Variants in CERT1 observed in about 807,000 individuals in gnomAD.
CERT1 encodes the protein ceramide transporter 1, also known as ceramide transfer protein.
In CERT1, 31 loss-of-function variants were observed where a neutral mutation model predicts 87.9. That is an observed-to-expected ratio of 0.35 (90% confidence interval 0.27 to 0.48). CERT1 has a LOEUF of 0.48. Among genes scored for constraint, CERT1 ranks in the 20% least tolerant of loss-of-function variants. The probability of loss-of-function intolerance (pLI) is 0.99; values close to 1 mark genes in which losing one functional copy is unlikely to be tolerated. For synonymous variants in CERT1, 289 were observed against 250.9 expected (o/e 1.15, Z -1.44); for missense variants, 487 against 758.0 (o/e 0.64, Z 4.20).
intron 8 of CERT1, among the ~76,000 whole-genome samples, chr5:75,404,310 A>C (rs1187716450): frequency 7.2e-5 from 11 of 151,778 alleles, no homozygotes; most frequent in Admixed American, 5.3e-4. Context: ...AAAAAAAAAA[A>C]AAAACAACTT....
In CERT1 at chr5:75,435,398, A is replaced by G. The variant is rs572421998; in HGVS notation, c.349-8920T>C. Among the ~76,000 whole-genome samples, 3 of 152,318 alleles carry G rather than the reference A, an allele frequency of 2.0e-5. No individual in the cohort carries two copies. The South Asian group carries it at 6.2e-4, about 32-fold the overall frequency. ...TTGTTTGTCAAGGAGCTGCCTTGCC[A>G]TCCAGATTCTGAATTCTGTAGCTAT... is the stretch of plus-strand genomic sequence containing the variant. On this transcript the variant is annotated intron_variant, in intron 3 of 16. Coordinates refer to ENST00000643780, the MANE Select transcript of CERT1 (RefSeq NM_001379029.1).
intron 3 of CERT1, among the ~76,000 whole-genome samples, chr5:75,430,185 T>C (rs111934700): frequency 1.4e-4 from 21 of 152,350 alleles, no homozygotes; most frequent in African/African-American, 5.1e-4. Context: ...ACCTACCAGT[T>C]GCCAAAGTAA....
chr5:75,384,777 G>T, intron 13 of CERT1, 65 bp from the exon 14 acceptor site: 1 of 1,081,444 alleles, frequency 9.2e-7, no homozygotes, highest in Non-Finnish European at 1.4e-6. Context: ...ATTCACTTAT[G>T]TTGAAAGTCA....
Position 75,381,215 on chromosome 5 carries a change from A to T in CERT1, c.1618-14T>A. On this transcript the variant is annotated splice_polypyrimidine_tract_variant and intron_variant, in intron 15 of 16. Coordinates refer to ENST00000643780, the MANE Select transcript of CERT1 (RefSeq NM_001379029.1). ...TCGGTTGTTTAGCTGCCAAAACAAAAAACAAAGCATCAGTAGATACCCAGT... is the reference window on the plus strand; with the variant it reads ...TCGGTTGTTTAGCTGCCAAAACAAATAACAAAGCATCAGTAGATACCCAGT... 2 of 1,614,048 alleles carry T rather than the reference A, an allele frequency of 1.2e-6. No homozygotes were observed. The highest frequency in any genetic ancestry group is 1.7e-6 in the Non-Finnish European group (2 of 1,179,970).
At chr5:75,467,916 A>G (rs961598506) in intron 2 of CERT1, among the ~76,000 whole-genome samples, 2 of 152,208 alleles carry the variant, frequency 1.3e-5, no homozygotes, top group Non-Finnish European at 2.9e-5. Context: ...CATTTACTCT[A>G]TTTTTACAAG....
chr5:75,469,837 A>C (rs984010181), intron 2 of CERT1, among the ~76,000 whole-genome samples: 5 of 152,274 alleles, frequency 3.3e-5, no homozygotes, highest in South Asian at 4.1e-4. Context: ...TAAGGGACTC[A>C]TTTCAACATA....
At chr5:75,381,846 T>G in intron 15 of CERT1, 103 bp downstream of exon 15, 1 of 1,054,742 alleles carries the variant, frequency 9.5e-7, no homozygotes, top group South Asian at 1.6e-5. Flanking sequence ...AGAACCATTA[T>G]CAAATCAAGT....
chr5:75,387,393 T>C (rs1761835346), intron 12 of CERT1, among the ~76,000 whole-genome samples: 1 of 152,132 alleles, frequency 6.6e-6, no homozygotes, highest in East Asian at 1.9e-4. Context: ...CCTGACTCTT[T>C]TAAGTAGTCT....
chr5:75,386,178 A>C (rs372973665), intron 12 of CERT1, 144 bp from the exon 13 acceptor site: 1 of 604,346 alleles, frequency 1.7e-6, no homozygotes, highest in Non-Finnish European at 2.4e-6. Context: ...AAAATTAAAA[A>C]TTTCAAATTA....
At chr5:75,396,301 T>C (rs942370890) in intron 11 of CERT1, among the ~76,000 whole-genome samples, 2 of 152,230 alleles carry the variant, frequency 1.3e-5, no homozygotes, top group Non-Finnish European at 2.9e-5. Flanking sequence ...ATATAATATT[T>C]TGGCAAATTA....
intron 8 of CERT1, among the ~76,000 whole-genome samples, chr5:75,410,173 A>G (rs997796652): frequency 1.1e-4 from 16 of 152,208 alleles, no homozygotes; most frequent in African/African-American, 3.4e-4. Flanking sequence ...TAGAAAGCTT[A>G]TAAGATTTTA....
At chr5:75,407,836 GAT>G (rs1762774783) in intron 8 of CERT1, among the ~76,000 whole-genome samples, 3 of 141,176 alleles carry the variant, frequency 2.1e-5, no homozygotes, top group African/African-American at 7.8e-5. Flanking sequence ...CTTAAAGCGT[GAT>G]AAAATAATGA....
At chr5:75,436,192 C>G (rs780010157) in intron 3 of CERT1, among the ~76,000 whole-genome samples, 9 of 151,984 alleles carry the variant, frequency 5.9e-5, no homozygotes, top group Non-Finnish European at 8.8e-5. Flanking sequence ...GCTACCATGC[C>G]TGGCTAATTT....
At chr5:75,498,142 T>G (rs889588467) in intron 2 of CERT1, among the ~76,000 whole-genome samples, 5 of 152,070 alleles carry the variant, frequency 3.3e-5, no homozygotes, top group Non-Finnish European at 5.9e-5. Flanking sequence ...TTGAAAGACA[T>G]GATTTAAGGT....
At chr5:75,424,942 C>T (rs1333651146) in intron 5 of CERT1, among the ~76,000 whole-genome samples, 8 of 151,912 alleles carry the variant, frequency 5.3e-5, no homozygotes, top group African/African-American at 1.9e-4. Context: ...GTGAGACCCC[C>T]GTCTCTATAA....
intron 6 of CERT1, among the ~76,000 whole-genome samples, chr5:75,418,096 C>T (rs1016726248): frequency 2.6e-5 from 4 of 152,150 alleles, no homozygotes; most frequent in Admixed American, 6.5e-5. Flanking sequence ...GTGGAGGTTG[C>T]GGTGAGCTGA....
intron 5 of CERT1, among the ~76,000 whole-genome samples, chr5:75,420,247 G>A (rs942968169): frequency 2.0e-5 from 3 of 151,992 alleles, no homozygotes; most frequent in African/African-American, 7.3e-5. Flanking sequence ...CAATGTGCTG[G>A]GATTACAGGT....
chr5:75,484,930 C>T (rs1766436739), intron 2 of CERT1, among the ~76,000 whole-genome samples: 2 of 152,058 alleles, frequency 1.3e-5, no homozygotes, highest in African/African-American at 4.8e-5. Flanking sequence ...TTCTCCTCAG[C>T]ACATGGATCA....
chr5:75,418,588 T>C (rs193018236), intron 6 of CERT1, among the ~76,000 whole-genome samples: 2 of 152,292 alleles, frequency 1.3e-5, no homozygotes, highest in Non-Finnish European at 2.9e-5. Flanking sequence ...CCGACCCAAA[T>C]GTCCACCAAT....
Sources: allele counts gnomAD v4.1 joint callset (sites outside exome capture counted in the v4.1 genomes callset), GRCh38; gene constraint gnomAD v4.1.1; transcripts MANE v1.5; gene names NCBI Gene and HGNC (gene_info 2026-07-23, HGNC 2026-07-21).